PDZD8: variants seen among roughly 807,000 people sequenced by gnomAD.
PDZD8 encodes PDZ domain-containing protein 8.
In PDZD8, 14 loss-of-function variants were observed where a neutral mutation model predicts 85.8. The ratio of observed to expected loss-of-function variants is 0.16; its 90% CI spans 0.11 to 0.26. PDZD8 has a LOEUF of 0.26. PDZD8 is among the 10% of genes least tolerant of loss of function. The pLI is 1.00. For synonymous variants in PDZD8, 592 were observed against 568.6 expected (o/e 1.04, Z -0.59); for missense variants, 1,197 against 1,424.3 (o/e 0.84, Z 2.57).
chr10:117,367,742 T>C (rs185839519), intron 1 of PDZD8, among the ~76,000 whole-genome samples: 1 of 152,128 alleles, frequency 6.6e-6, no homozygotes, highest in Non-Finnish European at 1.5e-5. Context: ...AAGACCAGCC[T>C]GCCCAACATG....
chr10:117,354,831 G>A (rs555019448), intron 1 of PDZD8, among the ~76,000 whole-genome samples: 1 of 152,246 alleles, frequency 6.6e-6, no homozygotes, highest in East Asian at 1.9e-4. Flanking sequence ...AGATAACTCA[G>A]TGAGTGATCA....
chr10:117,305,933 C>A (rs1843935537), intron 3 of PDZD8, among the ~76,000 whole-genome samples: 1 of 152,082 alleles, frequency 6.6e-6, no homozygotes, highest in Non-Finnish European at 1.5e-5. Flanking sequence ...AGTGATTTAG[C>A]CCCTGTGAGT....
intron 1 of PDZD8, among the ~76,000 whole-genome samples, chr10:117,357,480 CA>C (rs1201412136): frequency 2.0e-5 from 3 of 151,616 alleles, no homozygotes; most frequent in Non-Finnish European, 4.4e-5. Context: ...AAAAAGCCTA[CA>C]GGGGCCAGGC....
chr10:117,279,546 C>T lies in PDZD8; in HGVS notation c.*3722G>A, dbSNP rs1844549073. 6.6e-6 allele frequency: 1 copy of T among 152,178 alleles called. No individual in the cohort carries two copies. Among genetic ancestry groups the T allele is most frequent in the South Asian group, 2.1e-4 (1 of 4,834 alleles). 9.4% of individuals were successfully genotyped at this position (152,178 alleles called of 1,614,324 possible). ...ACTATTTTTCTGTGCTTGTAGGCAT[C>T]AGGTAAAAGCCACCCCAGGTTAGCT... On this transcript the variant is annotated 3_prime_UTR_variant, in exon 5 of 5. Coordinates refer to ENST00000334464, the MANE Select transcript of PDZD8 (RefSeq NM_173791.5).
chr10:117,358,381 C>A (rs537909484), intron 1 of PDZD8, among the ~76,000 whole-genome samples: 4 of 152,018 alleles, frequency 2.6e-5, no homozygotes, highest in Non-Finnish European at 5.9e-5. Flanking sequence ...AACGTAATTG[C>A]GGGTTTTGCC....
intron 2 of PDZD8, among the ~76,000 whole-genome samples, chr10:117,338,059 A>G (rs927607320): frequency 1.3e-4 from 20 of 152,234 alleles, no homozygotes; most frequent in African/African-American, 4.8e-4. Flanking sequence ...TGCTTAGGTT[A>G]CAGTAATATG....
rs1376550923 is a variant in PDZD8, at chr10:117,282,172, A to G, written c.*1096T>C. ...TTCCTTTACAACTGTAAGACGCCAA[A>G]GCAAAAAGTATATTTTGCATGATTC... On this transcript the variant is annotated 3_prime_UTR_variant, in exon 5 of 5. Coordinates refer to ENST00000334464, the MANE Select transcript of PDZD8 (RefSeq NM_173791.5). 4 of 152,218 alleles carry G rather than the reference A, an allele frequency of 2.6e-5. No individual in the cohort carries two copies. 9.4% of individuals were successfully genotyped at this position (152,218 alleles called of 1,614,324 possible).
At chr10:117,318,844 G>C (rs771575543) in intron 3 of PDZD8, 28 bp downstream of exon 3, 2 of 1,429,788 alleles carry the variant, frequency 1.4e-6, no homozygotes. Context: ...ACTTTATATA[G>C]ATATAAATCA....
rs1178576517 is a variant in PDZD8 at position 117,290,346 on chromosome 10, A to C, written c.1101T>G (p.Val367=). The stretch of plus-strand genomic sequence containing the variant: ...TTTGTAAATTTCCTTTTATTAATTC[A>C]ACCTTTGATAAAGGGGAAAAAAATG... ...EEKQRSSIKT[V]ELIKGNLQSV... is the part of the protein sequence containing the mutation. The change falls in exon 4 of 5, where the codon GTT becomes GTG. Residue 367 remains valine (V), a splice_region_variant and synonymous_variant. Transcript: ENST00000334464. The C allele has an allele frequency of 6.3e-7, 1 of 1,592,158 alleles. No homozygotes were observed.
chr10:117,291,801 T>A (rs1056501807), intron 3 of PDZD8, among the ~76,000 whole-genome samples: 1 of 151,744 alleles, frequency 6.6e-6, no homozygotes, highest in African/African-American at 2.4e-5. Flanking sequence ...ATTAACATCA[T>A]CTGTGAATTA....
chr10:117,306,305 C>T (rs1181556886), intron 3 of PDZD8, among the ~76,000 whole-genome samples: 2 of 152,188 alleles, frequency 1.3e-5, no homozygotes, highest in African/African-American at 2.4e-5. Context: ...ATCCTCTGCT[C>T]AGGTTCAAAA....
intron 1 of PDZD8, among the ~76,000 whole-genome samples, chr10:117,362,643 A>C (rs1399885765): frequency 1.3e-5 from 2 of 152,130 alleles, no homozygotes; most frequent in Non-Finnish European, 2.9e-5. Context: ...ACTCTGTAGT[A>C]TTAAAAAGTT....
intron 1 of PDZD8, among the ~76,000 whole-genome samples, chr10:117,370,918 T>TTGTGTG (rs71475194): frequency 0.02 from 2,968 of 146,422 alleles, 91 homozygotes; most frequent in African/African-American, 0.061. Flanking sequence ...ACAACATAGT[T>TTGTGTG]TGTGTGTGTG....
At chr10:117,339,272 T>C (rs1844569459) in intron 2 of PDZD8, among the ~76,000 whole-genome samples, 1 of 151,916 alleles carries the variant, frequency 6.6e-6, no homozygotes, top group African/African-American at 2.4e-5. Flanking sequence ...GGGTTGGAAA[T>C]AAAAGTCATA....
intron 2 of PDZD8, among the ~76,000 whole-genome samples, chr10:117,332,402 T>A (rs924057221): frequency 6.6e-6 from 1 of 151,790 alleles, no homozygotes; most frequent in East Asian, 1.9e-4. Context: ...ATTTTAAAAA[T>A]AATGCCCTGC....
At chr10:117,298,556 T>C (rs989113814) in intron 3 of PDZD8, among the ~76,000 whole-genome samples, 2 of 152,174 alleles carry the variant, frequency 1.3e-5, no homozygotes, top group African/African-American at 4.8e-5. Context: ...ATAACTATCA[T>C]CAATACAGTT....
At chr10:117,340,772 G>A (rs1016506900) in intron 2 of PDZD8, among the ~76,000 whole-genome samples, 22 of 152,242 alleles carry the variant, frequency 1.4e-4, no homozygotes, top group Admixed American at 3.9e-4. Context: ...CAGAGTAAAT[G>A]CCTCTCCCTC....
chr10:117,344,928 G>C (rs1438830397), intron 1 of PDZD8, among the ~76,000 whole-genome samples: 3 of 152,294 alleles, frequency 2.0e-5, no homozygotes, highest in South Asian at 2.1e-4. Context: ...AACCCTGACT[G>C]TCTTGCCCTG....
rs12337 is a variant in PDZD8 at position 117,282,897 on chromosome 10, T to C, written c.*371A>G. ...TGGAAATGAAAATATTTTAAGAATC[T>C]AGACAGTATTCTATTTAACACTAAT... On this transcript the variant is annotated 3_prime_UTR_variant, in exon 5 of 5. Transcript: ENST00000334464. The C allele has an allele frequency of 0.22, 37,044 of 171,394 alleles. 4,733 individuals are homozygous for C. The highest frequency in any genetic ancestry group is 0.33 in the Middle Eastern group (120 of 360). 10.6% of individuals were successfully genotyped at this position (171,394 alleles called of 1,614,324 possible).
Sources: allele counts gnomAD v4.1 joint callset (sites outside exome capture counted in the v4.1 genomes callset), GRCh38; gene constraint gnomAD v4.1.1; transcripts MANE v1.5; gene names NCBI Gene and HGNC (gene_info 2026-07-23, HGNC 2026-07-21).